The following DESI2 variants were observed in gnomAD, a reference collection of about 807,000 sequenced individuals.
DESI2 encodes desumoylating isopeptidase 2, also known as deubiquitinase DESI2.
A neutral mutation model predicts 24.1 loss-of-function variants in DESI2; 10 were observed. The ratio of observed to expected loss-of-function variants is 0.41; its 90% CI spans 0.26 to 0.70. The LOEUF is 0.70. Among genes scored for constraint, DESI2 ranks in the 30% least tolerant of loss-of-function variants. The pLI is 0.29. For synonymous variants in DESI2, 71 were observed against 87.7 expected, an observed-to-expected ratio of 0.81 and a Z score of 1.06; for missense variants, 122 against 234.9, an observed-to-expected ratio of 0.52 and a Z score of 3.14.
intron 1 of DESI2, among the ~76,000 whole-genome samples, chr1:244,655,030 G>C (rs1448058891): frequency 1.3e-5 from 2 of 152,178 alleles, no homozygotes; most frequent in African/African-American, 4.8e-5. Flanking sequence ...GCATGTTTTG[G>C]CATATAGTGG....
intron 4 of DESI2, among the ~76,000 whole-genome samples, chr1:244,700,361 T>C (rs938802580): frequency 4.6e-5 from 7 of 152,172 alleles, no homozygotes; most frequent in Admixed American, 4.6e-4. Context: ...AAAAGTATTT[T>C]CGTTTCGGAT....
At chr1:244,690,729 A>T (rs1676996031) in intron 3 of DESI2, among the ~76,000 whole-genome samples, 1 of 151,142 alleles carries the variant, frequency 6.6e-6, no homozygotes, top group South Asian at 2.1e-4. Context: ...AAAAAAAGTG[A>T]TATTTAGAAT....
intron 1 of DESI2, among the ~76,000 whole-genome samples, chr1:244,658,608 T>C (rs1675732028): frequency 6.6e-6 from 1 of 152,252 alleles, no homozygotes; most frequent in Non-Finnish European, 1.5e-5. Context: ...GATGGTGTTC[T>C]AGAAATATCC....
chr1:244,664,554 A>G (rs1428515281), intron 1 of DESI2, among the ~76,000 whole-genome samples: 3 of 152,200 alleles, frequency 2.0e-5, no homozygotes, highest in Non-Finnish European at 4.4e-5. Flanking sequence ...AAAAATAAAT[A>G]AATTAGCCAG....
rs986481351 is a variant in DESI2, at chr1:244,681,528, C to G, written c.43-5069C>G. 7.3e-4 allele frequency among the ~76,000 whole-genome samples: 111 copies of G among 152,260 alleles called. 1 individual carries two copies. Among genetic ancestry groups the G allele is most frequent in the Non-Finnish European group, 1.2e-3 (83 of 68,012 alleles). ...AGGATGGTTTCAAGATGAAACTGTT[C>G]CACCTCAGATCATCAGGCATTTGTT... On this transcript the variant is annotated intron_variant, in intron 1 of 4. Transcript: ENST00000302550.
At chr1:244,682,862 A>G (rs1350619134) in intron 1 of DESI2, among the ~76,000 whole-genome samples, 1 of 152,202 alleles carries the variant, frequency 6.6e-6, no homozygotes, top group Admixed American at 6.5e-5. Context: ...GTCAAAAAAA[A>G]AAAAAAAACT....
intron 4 of DESI2, among the ~76,000 whole-genome samples, chr1:244,699,771 G>A (rs1486302380): frequency 6.6e-6 from 1 of 152,102 alleles, no homozygotes; most frequent in East Asian, 1.9e-4. Context: ...GGCACCTAGG[G>A]AATCTCAAAG....
intron 2 of DESI2, among the ~76,000 whole-genome samples, chr1:244,687,017 C>T (rs530060844): frequency 3.9e-5 from 6 of 152,052 alleles, no homozygotes; most frequent in South Asian, 4.2e-4. Context: ...CCTTGCATTT[C>T]GAAAATAGCA....
At chr1:244,683,386 A>C (rs902247449) in intron 1 of DESI2, among the ~76,000 whole-genome samples, 2 of 151,894 alleles carry the variant, frequency 1.3e-5, no homozygotes, top group South Asian at 4.1e-4. Flanking sequence ...ATCTCGGCTC[A>C]CTGCAAGCTC....
At position 244,667,627 on chromosome 1, in the gene DESI2, A is replaced by T. The variant is rs146555481; in HGVS notation, c.42+14272A>T. ...GCATCCTGATTCCAGGTTGTACCACAAACTGCATTACACTGCCTCTTGCTA... is the reference window on the plus strand; with the variant it reads ...GCATCCTGATTCCAGGTTGTACCACTAACTGCATTACACTGCCTCTTGCTA... On this transcript the variant is annotated intron_variant, in intron 1 of 4. Coordinates refer to ENST00000302550, the MANE Select transcript of DESI2 (RefSeq NM_016076.5). Among the ~76,000 whole-genome samples the T allele has an allele frequency of 3.0e-3, 450 of 152,362 alleles. 3 individuals are homozygous for T. The highest frequency in any genetic ancestry group is 0.01 in the African/African-American group (435 of 41,582).
intron 1 of DESI2, chr1:244,654,092 T>C: frequency 2.2e-6 from 1 of 462,078 alleles, no homozygotes; most frequent in Non-Finnish European, 4.5e-6. Flanking sequence ...ATCATCTAAC[T>C]TTGGAGTATG....
At chr1:244,669,237 T>G (rs1314566612) in intron 1 of DESI2, among the ~76,000 whole-genome samples, 2 of 151,408 alleles carry the variant, frequency 1.3e-5, no homozygotes, top group Non-Finnish European at 3.0e-5. Flanking sequence ...GCTTAAGTGA[T>G]TGTCCCACCT....
chr1:244,657,078 C>G (rs967725393), intron 1 of DESI2, among the ~76,000 whole-genome samples: 7 of 152,170 alleles, frequency 4.6e-5, no homozygotes, highest in African/African-American at 1.7e-4. Context: ...CAGCCAGTAC[C>G]AATTTTATTA....
chr1:244,662,674 G>A (rs1675889894), intron 1 of DESI2, among the ~76,000 whole-genome samples: 2 of 152,190 alleles, frequency 1.3e-5, no homozygotes, highest in South Asian at 4.1e-4. Context: ...AAGCAAAGAA[G>A]GGGAGGGACA....
At chr1:244,685,683 A>G (rs1676793026) in intron 1 of DESI2, among the ~76,000 whole-genome samples, 2 of 152,242 alleles carry the variant, frequency 1.3e-5, no homozygotes, top group Non-Finnish European at 2.9e-5. Context: ...GTCTGGAGCC[A>G]AGGTTAAGAC....
chr1:244,686,672 A>G lies in DESI2; in HGVS notation c.115+3A>G, dbSNP rs879826084. The G allele has an allele frequency of 3.8e-6, 6 of 1,575,330 alleles. No individual in the cohort carries two copies. The highest frequency in any genetic ancestry group is 1.1e-5 in the South Asian group (1 of 90,302). ...AGGAATTGAAGTCTATGGCAGAGGT[A>G]CGTGTACACACAGTCTAAATATACT... On this transcript the variant is annotated splice_donor_region_variant and intron_variant, in intron 2 of 4. Coordinates refer to ENST00000302550, the MANE Select transcript of DESI2 (RefSeq NM_016076.5).
At chr1:244,682,137 A>G (rs1171969007) in intron 1 of DESI2, among the ~76,000 whole-genome samples, 1 of 152,208 alleles carries the variant, frequency 6.6e-6, no homozygotes, top group Non-Finnish European at 1.5e-5. Context: ...GTGAAGAGCA[A>G]AAGAACAAAG....
At chr1:244,675,927 T>G (rs1321788831) in intron 1 of DESI2, among the ~76,000 whole-genome samples, 5 of 152,118 alleles carry the variant, frequency 3.3e-5, no homozygotes, top group Non-Finnish European at 7.4e-5. Context: ...TTTATTTAGG[T>G]CTTCTTTAAT....
chr1:244,653,653 T>G, intron 1 of DESI2: 1 of 500,884 alleles, frequency 2.0e-6, no homozygotes, highest in East Asian at 3.7e-5. Flanking sequence ...TTGGCCGACG[T>G]GCAGTGTCCT....
Sources: gnomAD v4.1 joint callset for allele counts (sites outside exome capture counted in the v4.1 genomes callset) on GRCh38, gnomAD v4.1.1 for gene constraint, MANE v1.5 for transcripts, NCBI Gene and HGNC (gene_info 2026-07-23, HGNC 2026-07-21) for gene names.